Variants in CFAP299 observed in about 807,000 individuals in gnomAD.
The protein encoded by CFAP299 is cilia- and flagella-associated protein 299.
CFAP299 carries 21 observed loss-of-function variants against 27.0 expected under a neutral mutation model. The observed-to-expected ratio is 0.78, with a 90% confidence interval of 0.55 to 1.12. The LOEUF is 1.12. Among genes scored for constraint, CFAP299 ranks in the 50% most tolerant of loss-of-function variants. The pLI is 0.00. For missense variants in CFAP299, 310 were observed against 276.6 expected, an observed-to-expected ratio of 1.12 and a Z score of -0.86; for synonymous variants, 104 against 98.1, an observed-to-expected ratio of 1.06 and a Z score of -0.36.
At chr4:80,873,575 G>A (rs143402020) in intron 4 of CFAP299, among the ~76,000 whole-genome samples, 6 of 152,172 alleles carry the variant, frequency 3.9e-5, no homozygotes, top group Non-Finnish European at 8.8e-5. Context: ...CTTACCATCA[G>A]AGAGAGGAAA....
chr4:80,866,419 A>G (rs1560454357), intron 3 of CFAP299, among the ~76,000 whole-genome samples: 1 of 152,084 alleles, frequency 6.6e-6, no homozygotes, highest in Non-Finnish European at 1.5e-5. Flanking sequence ...CCAGGCAGGC[A>G]GGGAGTCTCT....
At chr4:80,837,590 C>A (rs1027525705) in intron 3 of CFAP299, among the ~76,000 whole-genome samples, 17 of 152,166 alleles carry the variant, frequency 1.1e-4, no homozygotes, top group Non-Finnish European at 2.4e-4. Context: ...CCAGCTTCAT[C>A]TATGTCCCTG....
At chr4:80,741,204 G>A (rs1724246712) in intron 3 of CFAP299, among the ~76,000 whole-genome samples, 1 of 152,160 alleles carries the variant, frequency 6.6e-6, no homozygotes, top group Admixed American at 6.6e-5. Context: ...CATTCCCTGG[G>A]TAATCACTGT....
intron 3 of CFAP299, among the ~76,000 whole-genome samples, chr4:80,752,568 A>G (rs370997690): frequency 5.3e-5 from 8 of 150,824 alleles, no homozygotes; most frequent in Non-Finnish European, 1.2e-4. Flanking sequence ...GACAGCATAT[A>G]GTTGGGTTTT....
At chr4:80,543,006 C>T (rs954638403) in intron 2 of CFAP299, among the ~76,000 whole-genome samples, 7 of 152,134 alleles carry the variant, frequency 4.6e-5, no homozygotes, top group Non-Finnish European at 1.0e-4. Context: ...CCCTCCAGCC[C>T]AGCCAGGGCT....
intron 3 of CFAP299, among the ~76,000 whole-genome samples, chr4:80,802,566 A>G (rs77569193): frequency 0.054 from 8,281 of 152,098 alleles, 344 homozygotes; most frequent in East Asian, 0.22. Context: ...TCTTTCTGCC[A>G]TCAAAAAGTA....
At chr4:80,847,093 A>G (rs1731225438) in intron 3 of CFAP299, among the ~76,000 whole-genome samples, 1 of 152,170 alleles carries the variant, frequency 6.6e-6, no homozygotes, top group Non-Finnish European at 1.5e-5. Flanking sequence ...CCACAAGCAT[A>G]GTATAGTAGT....
Position 80,750,619 on chromosome 4 carries a change from C to T in CFAP299, c.334-119374C>T, listed in dbSNP as rs190844814. Reference sequence around the variant, plus strand: ...GGCTTGAAACCAATCATTTTATTTACAGGACAGGCTTTGGGTTTGATTTAA... The same window carrying T: ...GGCTTGAAACCAATCATTTTATTTATAGGACAGGCTTTGGGTTTGATTTAA... On this transcript the variant is annotated intron_variant, in intron 3 of 5. Coordinates refer to ENST00000358105, the MANE Select transcript of CFAP299 (RefSeq NM_152770.3). Among the ~76,000 whole-genome samples the T allele has an allele frequency of 4.6e-5, 7 of 152,294 alleles. No homozygotes were observed. The East Asian group carries it at 1.2e-3, about 25-fold the overall frequency.
chr4:80,508,881 G>A (rs1215295282), intron 2 of CFAP299, among the ~76,000 whole-genome samples: 1 of 152,156 alleles, frequency 6.6e-6, no homozygotes, highest in Non-Finnish European at 1.5e-5. Flanking sequence ...CAGGTGTATT[G>A]TGGAACACAG....
intron 3 of CFAP299, among the ~76,000 whole-genome samples, chr4:80,717,069 C>T (rs932222027): frequency 6.6e-6 from 1 of 152,110 alleles, no homozygotes; most frequent in South Asian, 2.1e-4. Flanking sequence ...GTAAAATAAT[C>T]TGCTCAGTGC....
At position 80,963,446 on chromosome 4, in the gene CFAP299, T is replaced by TAA. The variant is rs543176983; in HGVS notation, c.607-62_607-61dup. 8.0e-6 allele frequency: 7 copies of TAA among 879,074 alleles called. No homozygotes were observed. The African/African-American group carries it at 1.4e-4, about 18-fold the overall frequency. The allele number at this position is 879,074 out of a possible 1,614,324, so 54.5% of individuals were successfully genotyped here. A position where few individuals can be genotyped will look rare whatever the true frequency, so the allele number is the denominator to read the frequency against. ...TTTTCTGCAATATAAAGCAAAAAAA[T>TAA]AAAAAAAAAATTTTAAAAAAGGCCA... On this transcript the variant is annotated intron_variant, in intron 5 of 5. Coordinates refer to ENST00000358105, the MANE Select transcript of CFAP299 (RefSeq NM_152770.3).
At chr4:80,408,144 G>A (rs1365424360) in intron 2 of CFAP299, among the ~76,000 whole-genome samples, 1 of 152,150 alleles carries the variant, frequency 6.6e-6, no homozygotes, top group Admixed American at 6.6e-5. Context: ...TTTCTACTGG[G>A]CACATGCTGT....
intron 3 of CFAP299, among the ~76,000 whole-genome samples, chr4:80,845,062 T>A (rs555985658): frequency 6.6e-6 from 1 of 152,300 alleles, no homozygotes; most frequent in South Asian, 2.1e-4. Context: ...ATCAGATAGT[T>A]GTAGATATGT....
intron 3 of CFAP299, among the ~76,000 whole-genome samples, chr4:80,685,014 A>G (rs889175651): frequency 2.0e-5 from 3 of 152,198 alleles, no homozygotes; most frequent in Non-Finnish European, 4.4e-5. Flanking sequence ...CTGTAATTAC[A>G]TATAATTTAA....
At chr4:80,439,654 T>C (rs1343110630) in intron 2 of CFAP299, among the ~76,000 whole-genome samples, 3 of 152,146 alleles carry the variant, frequency 2.0e-5, no homozygotes, top group African/African-American at 7.2e-5. Context: ...GCAGGAGTTT[T>C]TTCGTACCCC....
chr4:80,733,454 C>G (rs1210207583), intron 3 of CFAP299, among the ~76,000 whole-genome samples: 1 of 151,968 alleles, frequency 6.6e-6, no homozygotes, highest in Admixed American at 6.6e-5. Flanking sequence ...TATCCTTTGT[C>G]GTACAAACAA....
chr4:80,525,145 A>G (rs1396360443), intron 2 of CFAP299, among the ~76,000 whole-genome samples: 7 of 152,142 alleles, frequency 4.6e-5, no homozygotes, highest in East Asian at 1.9e-4. Context: ...TTTTTCTAAG[A>G]CAGAATCTCA....
chr4:80,440,526 C>G (rs546368305), intron 2 of CFAP299, among the ~76,000 whole-genome samples: 1 of 152,232 alleles, frequency 6.6e-6, no homozygotes, highest in East Asian at 1.9e-4. Flanking sequence ...AAAAAGGATG[C>G]CCACGCAAAA....
At chr4:80,349,414 C>A (rs1043329098) in intron 1 of CFAP299, among the ~76,000 whole-genome samples, 1 of 152,136 alleles carries the variant, frequency 6.6e-6, no homozygotes, top group Non-Finnish European at 1.5e-5. Flanking sequence ...ATATTTATGT[C>A]TGACTTGTAT....
Sources: gnomAD v4.1 joint callset for allele counts (sites outside exome capture counted in the v4.1 genomes callset) on GRCh38, gnomAD v4.1.1 for gene constraint, MANE v1.5 for transcripts, NCBI Gene and HGNC (gene_info 2026-07-23, HGNC 2026-07-21) for gene names.